Variants in IL1RAPL2 observed in about 807,000 individuals in gnomAD.
The protein encoded by IL1RAPL2 is interleukin 1 receptor accessory protein like 2.
IL1RAPL2 carries 3 observed loss-of-function variants against 44.1 expected under a neutral mutation model. The ratio of observed to expected loss-of-function variants is 0.07; its 90% CI spans 0.03 to 0.18. The LOEUF (loss-of-function observed/expected upper bound fraction) is 0.18, where lower values mean the gene tolerates loss of function less well. Ranked by LOEUF, IL1RAPL2 falls within the 10% of genes least tolerant of loss-of-function variation. IL1RAPL2 has a pLI of 1.00. For synonymous variants in IL1RAPL2, 181 were observed against 178.8 expected (o/e 1.01, Z -0.10); for missense variants, 391 against 496.4 (o/e 0.79, Z 2.02).
intron 2 of IL1RAPL2, among the ~76,000 whole-genome samples, chrX:104,802,847 C>T (rs1932894638): frequency 1.8e-5 from 2 of 110,919 alleles, no homozygotes; most frequent in African/African-American, 6.6e-5. Flanking sequence ...CTTGACTGTT[C>T]TAACTCTCCC....
At chrX:104,959,273 C>T (rs932204414) in intron 2 of IL1RAPL2, among the ~76,000 whole-genome samples, 5 of 111,391 alleles carry the variant, frequency 4.5e-5, no homozygotes, top group Admixed American at 2.9e-4. Flanking sequence ...GCTTACATGG[C>T]CTCATCTGGA....
At chrX:105,491,074 T>C (rs1239524135) in intron 6 of IL1RAPL2, among the ~76,000 whole-genome samples, 1 of 112,410 alleles carries the variant, frequency 8.9e-6, no homozygotes, top group African/African-American at 3.2e-5. Flanking sequence ...AATGGAAATT[T>C]ATGATACCCT....
chrX:104,710,130 TTAGA>T (rs1269863046), intron 2 of IL1RAPL2, among the ~76,000 whole-genome samples: 3 of 111,167 alleles, frequency 2.7e-5, no homozygotes, highest in Non-Finnish European at 5.7e-5. Context: ...AAATCTGCTC[TTAGA>T]TATATATGTG....
intron 5 of IL1RAPL2, among the ~76,000 whole-genome samples, chrX:105,274,845 G>A (rs1358382976): frequency 8.9e-6 from 1 of 111,916 alleles, no homozygotes; most frequent in African/African-American, 3.3e-5. Flanking sequence ...AAGTTAAACA[G>A]TCATCTTTTT....
chrX:105,371,629 G>A (rs1257818154), intron 5 of IL1RAPL2, among the ~76,000 whole-genome samples: 5 of 111,504 alleles, frequency 4.5e-5, no homozygotes, highest in African/African-American at 6.5e-5. Context: ...AACCAGATAT[G>A]TTTAGAATAT....
At chrX:104,828,077 C>T (rs1192299255) in intron 2 of IL1RAPL2, among the ~76,000 whole-genome samples, 1 of 111,767 alleles carries the variant, frequency 8.9e-6, no homozygotes, top group African/African-American at 3.3e-5. Flanking sequence ...GAACATGCTC[C>T]TTTACCTCAG....
chrX:105,352,444 C>T (rs977429114), intron 5 of IL1RAPL2, among the ~76,000 whole-genome samples: 11 of 111,833 alleles, frequency 9.8e-5, no homozygotes, highest in Non-Finnish European at 1.3e-4. Context: ...TATGCATTTG[C>T]GTCTCTATTA....
chrX:105,732,045 A>T (rs995101155), intron 7 of IL1RAPL2, among the ~76,000 whole-genome samples: 3 of 111,837 alleles, frequency 2.7e-5, no homozygotes, highest in African/African-American at 9.7e-5. Flanking sequence ...TATGTAACAA[A>T]ATATTAAATG....
At chrX:105,520,844 A>G (rs2036549510) in intron 6 of IL1RAPL2, among the ~76,000 whole-genome samples, 1 of 102,786 alleles carries the variant, frequency 9.7e-6, no homozygotes, top group African/African-American at 3.5e-5. Flanking sequence ...TAAGCCAGAT[A>G]TTTTTTCTAT....
At chrX:104,647,256 A>G (rs1352422114) in intron 1 of IL1RAPL2, 1 of 379,265 alleles carries the variant, frequency 2.6e-6, no homozygotes, top group African/African-American at 2.5e-5. Context: ...GAGAGCTGGT[A>G]TGTGATGTCC....
At chrX:105,751,332 A>G (rs1270210354) in intron 9 of IL1RAPL2, among the ~76,000 whole-genome samples, 1 of 111,210 alleles carries the variant, frequency 9.0e-6, no homozygotes, top group Non-Finnish European at 1.9e-5. Flanking sequence ...TGTGATTAAT[A>G]TGTTTTGAGT....
intron 2 of IL1RAPL2, among the ~76,000 whole-genome samples, chrX:104,904,983 A>G (rs1275449457): frequency 9.0e-6 from 1 of 110,678 alleles, no homozygotes; most frequent in African/African-American, 3.3e-5. Context: ...TGACTTTTTA[A>G]TGATTGCCAT....
intron 2 of IL1RAPL2, among the ~76,000 whole-genome samples, chrX:104,708,635 A>G (rs1482394986): frequency 9.0e-6 from 1 of 111,457 alleles, no homozygotes; most frequent in African/African-American, 3.3e-5. Context: ...TATTGCATCA[A>G]TTTGTTCCCT....
chrX:105,523,486 GT>G (rs1294488453), intron 6 of IL1RAPL2, among the ~76,000 whole-genome samples: 1 of 110,133 alleles, frequency 9.1e-6, no homozygotes, highest in Admixed American at 9.6e-5. Flanking sequence ...ACACATCTGT[GT>G]TTAAATAATA....
intron 5 of IL1RAPL2, among the ~76,000 whole-genome samples, chrX:105,278,833 T>A (rs2034505837): frequency 9.0e-6 from 1 of 111,450 alleles, no homozygotes; most frequent in African/African-American, 3.3e-5. Flanking sequence ...ACAAATTACC[T>A]GAATGGGTCC....
At chrX:105,623,790 T>C (rs1225590755) in intron 6 of IL1RAPL2, among the ~76,000 whole-genome samples, 2 of 111,773 alleles carry the variant, frequency 1.8e-5, no homozygotes, top group Non-Finnish European at 3.8e-5. Flanking sequence ...GTGGATACAA[T>C]AGATCATGAC....
chrX:105,319,256 T>C (rs1177962892), intron 5 of IL1RAPL2, among the ~76,000 whole-genome samples: 2 of 111,961 alleles, frequency 1.8e-5, no homozygotes, highest in African/African-American at 6.5e-5. Context: ...TAAGATTAGC[T>C]TCCTCTAATG....
chrX:104,662,193 G>A (rs1930414408), intron 2 of IL1RAPL2, among the ~76,000 whole-genome samples: 1 of 111,939 alleles, frequency 8.9e-6, no homozygotes, highest in Non-Finnish European at 1.9e-5. Flanking sequence ...GCTTTTGGGT[G>A]GTGTACAATT....
chrX:104,904,492 C>T (rs1158434515), intron 2 of IL1RAPL2, among the ~76,000 whole-genome samples: 1 of 89,746 alleles, frequency 1.1e-5, no homozygotes, highest in East Asian at 3.9e-4. Flanking sequence ...GTGATATTCC[C>T]CTTCCTGTGT....
Sources: allele counts gnomAD v4.1 joint callset (sites outside exome capture counted in the v4.1 genomes callset), GRCh38; gene constraint gnomAD v4.1.1; transcripts MANE v1.5; gene names NCBI Gene and HGNC (gene_info 2026-07-23, HGNC 2026-07-21).